CSMD1: variants seen among roughly 807,000 people sequenced by gnomAD.
The protein encoded by CSMD1 is CUB and sushi domain-containing protein 1.
Under a neutral mutation model 417.5 loss-of-function variants are expected in CSMD1, and 213 were observed. The observed-to-expected ratio is 0.51, with a 90% CI of 0.46 to 0.57. CSMD1 has a LOEUF of 0.57. Among genes scored for constraint, CSMD1 ranks in the 20% least tolerant of loss-of-function variants. The probability of loss-of-function intolerance (pLI) is 0.00; values close to 1 mark genes in which losing one functional copy is unlikely to be tolerated. For missense variants in CSMD1, 6,923 were observed against 4,529.7 expected (o/e 1.53, Z -15.17); for synonymous variants, 2,862 against 1,736.8 (o/e 1.65, Z -16.11).
intron 4 of CSMD1, among the ~76,000 whole-genome samples, chr8:4,026,413 T>A (rs919002542): frequency 6.6e-6 from 1 of 152,204 alleles, no homozygotes; most frequent in African/African-American, 2.4e-5. Flanking sequence ...GGTGGCAGCA[T>A]AGGAAAGACA....
Position 3,091,556 on chromosome 8 carries a change from G to C in CSMD1, c.7245C>G (p.Asp2415Glu). Reference sequence around the variant, plus strand: ...TGAATCCTTTCTTACTGGTGGCATGGTCAGTGGACCAGCGGAGATATAACT... The same window carrying C: ...TGAATCCTTTCTTACTGGTGGCATGCTCAGTGGACCAGCGGAGATATAACT... ...SNQLYLRWST[D>E]HATSKKGFKI... is the part of the protein sequence containing the mutation. Residue 2415 changes from aspartate (D) to glutamate (E), a missense_variant, in exon 48 of 70, where the codon GAC (aspartate) becomes GAG (glutamate). By Grantham distance (45) the Asp-to-Glu change is conservative. Coordinates refer to ENST00000635120, the MANE Select transcript of CSMD1 (RefSeq NM_033225.6). 2 of 1,608,966 alleles carry C rather than the reference G, an allele frequency of 1.2e-6. No individual in the cohort carries two copies. The highest frequency in any genetic ancestry group is 2.2e-5 in the South Asian group (2 of 90,198).
rs111950966 is a variant in CSMD1 at position 3,482,420 on chromosome 8, A to G, written c.1448+11203T>C. The stretch of plus-strand genomic sequence containing the variant: ...CTTAAGGCAAATAAAAGTATCAGAG[A>G]CAAAGAGGGACACCACAAAATAATA... On this transcript the variant is annotated intron_variant, in intron 11 of 69. Coordinates refer to ENST00000635120, the MANE Select transcript of CSMD1 (RefSeq NM_033225.6). Among the ~76,000 whole-genome samples, 1,126 of 152,322 alleles carry G rather than the reference A, an allele frequency of 7.4e-3. 9 individuals carry two copies. The highest frequency in any genetic ancestry group is 0.011 in the Non-Finnish European group (729 of 68,032).
chr8:4,271,054 G>A (rs1415731523), intron 3 of CSMD1, among the ~76,000 whole-genome samples: 1 of 152,184 alleles, frequency 6.6e-6, no homozygotes, highest in Non-Finnish European at 1.5e-5. Context: ...TTTCCTAGAA[G>A]AGCTGGTGCA....
intron 63 of CSMD1, among the ~76,000 whole-genome samples, chr8:2,956,597 G>A (rs555598413): frequency 3.4e-4 from 52 of 152,116 alleles, no homozygotes; most frequent in African/African-American, 1.2e-3. Flanking sequence ...GGGACTACAG[G>A]CACCCGCCAC....
chr8:3,280,184 C>T (rs567271783), intron 26 of CSMD1, among the ~76,000 whole-genome samples: 3 of 150,180 alleles, frequency 2.0e-5, no homozygotes, highest in South Asian at 2.2e-4. Context: ...AGGTTTGCCT[C>T]GAGAGCCACA....
chr8:3,260,377 T>A (rs966163400), intron 26 of CSMD1, among the ~76,000 whole-genome samples: 3 of 151,948 alleles, frequency 2.0e-5, no homozygotes, highest in African/African-American at 7.2e-5. Flanking sequence ...CCTCCGTGTT[T>A]CAGTGGCCGA....
intron 7 of CSMD1, among the ~76,000 whole-genome samples, chr8:3,688,927 T>G (rs1800087482): frequency 6.6e-6 from 1 of 152,108 alleles, no homozygotes; most frequent in African/African-American, 2.4e-5. Context: ...TTAAAAAAAG[T>G]GAAAATTAAG....
rs371220576 is a variant in CSMD1 at position 3,396,300 on chromosome 8, G to A, written c.2487C>T (p.His829=). ...TGAGGAACTGGGGTGCCTGGGTGCC[G>A]TGGTACTCGCCGATCAGTGGGGACG... The part of the protein sequence containing the change: ...ASSSPLIGEY[H]GTQAPQFLIS... The change falls in exon 17 of 70, where the codon CAC becomes CAT. Residue 829 remains histidine (H), a synonymous_variant. Coordinates refer to ENST00000635120, the MANE Select transcript of CSMD1 (RefSeq NM_033225.6). The A allele has an allele frequency of 1.0e-4, 166 of 1,605,562 alleles. No homozygotes were observed. The highest frequency in any genetic ancestry group is 1.4e-4 in the Admixed American group (8 of 58,952).
chr8:3,142,678 T>C lies in CSMD1; in HGVS notation c.6032-4A>G, dbSNP rs762148019. 2.5e-6 allele frequency: 4 copies of C among 1,599,438 alleles called. No individual in the cohort carries two copies. The highest frequency in any genetic ancestry group is 3.4e-6 in the Non-Finnish European group (4 of 1,166,804). ...TTCAGAAACTGAATATGTGCACCTA[T>C]GGAAAAACATGCAAACTTAATGAAA... On this transcript the variant is annotated splice_polypyrimidine_tract_variant and splice_region_variant and intron_variant, in intron 40 of 69. Transcript: ENST00000635120.
At chr8:3,119,395 A>AC (rs2129019588) in intron 41 of CSMD1, among the ~76,000 whole-genome samples, 2 of 141,140 alleles carry the variant, frequency 1.4e-5, no homozygotes, top group South Asian at 5.8e-4. Context: ...AAAAAAAAAA[A>AC]AAAAAAAAAA....
intron 23 of CSMD1, among the ~76,000 whole-genome samples, chr8:3,315,194 T>C (rs1279185015): frequency 1.3e-5 from 2 of 152,206 alleles, no homozygotes; most frequent in African/African-American, 2.4e-5. Flanking sequence ...CACCATTTCC[T>C]TCAGTGTAAA....
chr8:3,417,214 T>C (rs1378837608), intron 12 of CSMD1, among the ~76,000 whole-genome samples: 5 of 152,348 alleles, frequency 3.3e-5, no homozygotes, highest in East Asian at 1.9e-4. Context: ...TGTACTATGA[T>C]GATGTTCCAT....
intron 1 of CSMD1, among the ~76,000 whole-genome samples, chr8:4,764,731 G>C (rs140138660): frequency 6.6e-6 from 1 of 150,836 alleles, no homozygotes; most frequent in African/African-American, 2.4e-5. Context: ...AAATTAGCCG[G>C]GTGTTGTGGC....
intron 1 of CSMD1, among the ~76,000 whole-genome samples, chr8:4,932,894 T>C (rs1472102311): frequency 6.6e-6 from 1 of 152,250 alleles, no homozygotes; most frequent in East Asian, 1.9e-4. Context: ...ATTTTTACTA[T>C]GGCTTAAAAT....
chr8:3,033,130 T>C (rs1040339020), intron 50 of CSMD1, among the ~76,000 whole-genome samples: 3 of 152,116 alleles, frequency 2.0e-5, no homozygotes, highest in African/African-American at 7.2e-5. Flanking sequence ...ATATTTTATT[T>C]TGAAAGTTCT....
intron 3 of CSMD1, among the ~76,000 whole-genome samples, chr8:4,213,446 C>T (rs1033230668): frequency 6.6e-6 from 1 of 152,192 alleles, no homozygotes; most frequent in Non-Finnish European, 1.5e-5. Flanking sequence ...TATGTGAGAA[C>T]AGGAACAGTT....
chr8:3,792,174 G>C (rs745941978), intron 5 of CSMD1, among the ~76,000 whole-genome samples: 2 of 152,038 alleles, frequency 1.3e-5, no homozygotes, highest in African/African-American at 4.8e-5. Flanking sequence ...CACACGTGTA[G>C]TCCCAGCTAC....
At chr8:4,873,136 T>C (rs1200197943) in intron 1 of CSMD1, among the ~76,000 whole-genome samples, 1 of 152,128 alleles carries the variant, frequency 6.6e-6, no homozygotes, top group Non-Finnish European at 1.5e-5. Context: ...CATCTGATTC[T>C]ATAAAATGAC....
intron 3 of CSMD1, among the ~76,000 whole-genome samples, chr8:4,359,786 G>T (rs528938053): frequency 6.6e-6 from 1 of 152,166 alleles, no homozygotes; most frequent in Admixed American, 6.5e-5. Context: ...GGTAAAGAAC[G>T]CACAATGAGT....
Sources: gnomAD v4.1 joint callset for allele counts (sites outside exome capture counted in the v4.1 genomes callset) on GRCh38, gnomAD v4.1.1 for gene constraint, MANE v1.5 for transcripts, NCBI Gene and HGNC (gene_info 2026-07-23, HGNC 2026-07-21) for gene names.